The following XKR6 variants were observed in gnomAD, a reference collection of about 807,000 sequenced individuals.
XKR6 encodes the protein XK-related protein 6.
Under a neutral mutation model 56.7 loss-of-function variants are expected in XKR6, and 22 were observed. That is an observed-to-expected ratio of 0.39 (90% confidence interval 0.28 to 0.55). XKR6 has a LOEUF of 0.55. XKR6 is among the 20% of genes least tolerant of loss of function. The pLI is 0.66. For missense variants in XKR6, 852 were observed against 889.0 expected, an observed-to-expected ratio of 0.96 and a Z score of 0.53; for synonymous variants, 524 against 387.8, an observed-to-expected ratio of 1.35 and a Z score of -4.13.
At chr8:10,931,317 T>C (rs1801043776) in intron 1 of XKR6, among the ~76,000 whole-genome samples, 2 of 152,152 alleles carry the variant, frequency 1.3e-5, no homozygotes, top group Non-Finnish European at 2.9e-5. Flanking sequence ...TGTTCAGGGA[T>C]TGGAAGATGC....
intron 1 of XKR6, among the ~76,000 whole-genome samples, chr8:11,163,916 T>C (rs11250118): frequency 0.97 from 147,707 of 152,276 alleles, 71,655 homozygotes; most frequent in East Asian, 0.99. Context: ...GGAAAATACA[T>C]GCAGGCCAAA....
rs1416856830 is a variant in XKR6 at position 10,897,387 on chromosome 8, T to G, written c.*565A>C. 1 of 152,652 alleles carries G rather than the reference T, an allele frequency of 6.6e-6. No homozygotes were observed. Among genetic ancestry groups the G allele is most frequent in the Non-Finnish European group, 1.5e-5 (1 of 68,052 alleles). The allele number at this position is 152,652 out of a possible 1,614,324, so 9.5% of individuals were successfully genotyped here. A position where few individuals can be genotyped will look rare whatever the true frequency, so the allele number is the denominator to read the frequency against. On this transcript the variant is annotated 3_prime_UTR_variant, in exon 3 of 3. Transcript: ENST00000416569. Reference sequence around the variant, plus strand: ...TGTTTCACTTTTAGATTTGTTTCATTTAATTGTTTAATTTTCCCTCTTCTG... The same window carrying G: ...TGTTTCACTTTTAGATTTGTTTCATGTAATTGTTTAATTTTCCCTCTTCTG...
At chr8:10,915,742 C>T (rs942910969) in intron 2 of XKR6, among the ~76,000 whole-genome samples, 1 of 152,176 alleles carries the variant, frequency 6.6e-6, no homozygotes, top group Non-Finnish European at 1.5e-5. Flanking sequence ...CAAGCAGATT[C>T]CAAATGGCAT....
chr8:11,103,099 C>T (rs1798545365), intron 1 of XKR6, among the ~76,000 whole-genome samples: 1 of 152,132 alleles, frequency 6.6e-6, no homozygotes, highest in South Asian at 2.1e-4. Flanking sequence ...AGATCAGTTG[C>T]TGATGGCAGT....
intron 1 of XKR6, among the ~76,000 whole-genome samples, chr8:11,176,647 G>T (rs538046574): frequency 6.6e-6 from 1 of 152,302 alleles, no homozygotes; most frequent in African/African-American, 2.4e-5. Context: ...GTGGGAGGCA[G>T]ATGAAGTCGG....
chr8:11,066,058 C>T (rs993765309), intron 1 of XKR6, among the ~76,000 whole-genome samples: 1 of 152,242 alleles, frequency 6.6e-6, no homozygotes, highest in Non-Finnish European at 1.5e-5. Flanking sequence ...TCTTTGGCAT[C>T]CCCCAAATGC....
chr8:11,087,919 C>A (rs1797943090), intron 1 of XKR6, among the ~76,000 whole-genome samples: 1 of 152,162 alleles, frequency 6.6e-6, no homozygotes, highest in Non-Finnish European at 1.5e-5. Flanking sequence ...CTCATCCACC[C>A]AAAGTTTCCA....
At chr8:10,907,277 C>T (rs752392178) in intron 2 of XKR6, among the ~76,000 whole-genome samples, 17 of 152,172 alleles carry the variant, frequency 1.1e-4, no homozygotes, top group African/African-American at 3.4e-4. Context: ...AGCTCTTTAA[C>T]GTAAGTGAGT....
chr8:11,158,752 G>A (rs1173542968), intron 1 of XKR6, among the ~76,000 whole-genome samples: 1 of 152,130 alleles, frequency 6.6e-6, no homozygotes, highest in African/African-American at 2.4e-5. Context: ...CAAAGATGAC[G>A]AAACGGACAG....
At chr8:11,183,950 G>A (rs145756661) in intron 1 of XKR6, among the ~76,000 whole-genome samples, 11 of 152,292 alleles carry the variant, frequency 7.2e-5, no homozygotes, top group Non-Finnish European at 1.2e-4. Flanking sequence ...AGGACTGTCT[G>A]TAGTCTGGGC....
chr8:11,165,955 T>C (rs1287218206), intron 1 of XKR6, among the ~76,000 whole-genome samples: 1 of 150,602 alleles, frequency 6.6e-6, no homozygotes, highest in Admixed American at 6.6e-5. Flanking sequence ...ATATAGTTTT[T>C]TGGGTTTTTT....
intron 1 of XKR6, among the ~76,000 whole-genome samples, chr8:10,984,220 T>C (rs1797799899): frequency 6.6e-6 from 1 of 152,198 alleles, no homozygotes. Context: ...TACAACCGTC[T>C]CCATAGCTAC....
chr8:10,976,837 C>T (rs944081316), intron 1 of XKR6, among the ~76,000 whole-genome samples: 8 of 152,078 alleles, frequency 5.3e-5, no homozygotes, highest in Non-Finnish European at 1.0e-4. Context: ...CCTCCAATAG[C>T]GATGTGGCCT....
chr8:11,194,493 G>C (rs1458602978), intron 1 of XKR6: 1 of 152,116 alleles, frequency 6.6e-6, no homozygotes, highest in Non-Finnish European at 1.5e-5. Flanking sequence ...CTTTTTAAGA[G>C]GCAAATAAGA....
Position 11,184,950 on chromosome 8 carries a change from C to T in XKR6, c.764+15626G>A, listed in dbSNP as rs141358736. Among the ~76,000 whole-genome samples, 228 of 152,310 alleles carry T rather than the reference C, an allele frequency of 1.5e-3. 1 individual carries two copies. Among genetic ancestry groups the T allele is most frequent in the Admixed American group, 0.014 (218 of 15,288 alleles). Reference sequence around the variant, plus strand: ...TCCTCAAATAACATCGTTTCATTGACCATCATTTAGTTACACAGTTGATAA... The same window carrying T: ...TCCTCAAATAACATCGTTTCATTGATCATCATTTAGTTACACAGTTGATAA... On this transcript the variant is annotated intron_variant, in intron 1 of 2. Coordinates refer to ENST00000416569, the MANE Select transcript of XKR6 (RefSeq NM_173683.4).
intron 1 of XKR6, among the ~76,000 whole-genome samples, chr8:10,945,025 G>C (rs1586336778): frequency 6.6e-6 from 1 of 152,158 alleles, no homozygotes; most frequent in East Asian, 1.9e-4. Flanking sequence ...TCTGGATGTA[G>C]GGTCAAGCTC....
chr8:10,977,291 T>C (rs1346550541), intron 1 of XKR6, among the ~76,000 whole-genome samples: 1 of 152,068 alleles, frequency 6.6e-6, no homozygotes, highest in Non-Finnish European at 1.5e-5. Flanking sequence ...CTAGAACCCA[T>C]GCCTCAAGGG....
intron 1 of XKR6, among the ~76,000 whole-genome samples, chr8:11,118,328 G>C (rs1052281228): frequency 2.0e-5 from 3 of 152,210 alleles, no homozygotes; most frequent in African/African-American, 7.2e-5. Flanking sequence ...CTCATAAAAT[G>C]AGTTAGGGAG....
At chr8:11,146,734 T>A (rs552496989) in intron 1 of XKR6, among the ~76,000 whole-genome samples, 1 of 151,890 alleles carries the variant, frequency 6.6e-6, no homozygotes, top group African/African-American at 2.4e-5. Flanking sequence ...ATGTCCATTG[T>A]CAGATGAACA....
Sources: allele counts gnomAD v4.1 joint callset (sites outside exome capture counted in the v4.1 genomes callset), GRCh38; gene constraint gnomAD v4.1.1; transcripts MANE v1.5; gene names NCBI Gene and HGNC (gene_info 2026-07-23, HGNC 2026-07-21).